The following SLC24A3 variants were observed in gnomAD, a reference collection of about 807,000 sequenced individuals.
The protein encoded by SLC24A3 is solute carrier family 24 member 3.
In SLC24A3, 28 loss-of-function variants were observed where a neutral mutation model predicts 75.8. The ratio of observed to expected loss-of-function variants is 0.37; its 90% CI spans 0.27 to 0.51. The LOEUF is 0.51. SLC24A3 is among the 20% of genes least tolerant of loss of function. SLC24A3 has a pLI of 0.94. For synonymous variants in SLC24A3, 372 were observed against 334.1 expected (o/e 1.11, Z -1.24); for missense variants, 663 against 847.8 (o/e 0.78, Z 2.71).
chr20:19,592,648 G>A (rs2031394098), intron 6 of SLC24A3, among the ~76,000 whole-genome samples: 1 of 152,092 alleles, frequency 6.6e-6, no homozygotes, highest in South Asian at 2.1e-4. Flanking sequence ...CTCCTTCCAT[G>A]TAGTTTTCAC....
chr20:19,307,712 G>A (rs6136678), intron 2 of SLC24A3, among the ~76,000 whole-genome samples: 23,510 of 152,108 alleles, frequency 0.15, 4,437 homozygotes, highest in African/African-American at 0.43. Flanking sequence ...TGGCACATGT[G>A]CACCTAGGTA....
At chr20:19,398,956 T>C (rs1986503579) in intron 2 of SLC24A3, among the ~76,000 whole-genome samples, 1 of 152,154 alleles carries the variant, frequency 6.6e-6, no homozygotes, top group Non-Finnish European at 1.5e-5. Flanking sequence ...TGCATTAACG[T>C]TTTTAGATAT....
chr20:19,541,278 G>T (rs570051219), intron 3 of SLC24A3, among the ~76,000 whole-genome samples: 1 of 152,190 alleles, frequency 6.6e-6, no homozygotes, highest in Non-Finnish European at 1.5e-5. Context: ...GCGGGGAGAC[G>T]TCTCTGGAAG....
At chr20:19,633,636 G>A (rs1484430795) in intron 6 of SLC24A3, among the ~76,000 whole-genome samples, 5 of 116,160 alleles carry the variant, frequency 4.3e-5, no homozygotes, top group Admixed American at 1.1e-4. Flanking sequence ...GCGACAGAGC[G>A]AGACTCCGTC....
At chr20:19,299,269 T>C (rs746411793) in intron 2 of SLC24A3, among the ~76,000 whole-genome samples, 3 of 151,898 alleles carry the variant, frequency 2.0e-5, no homozygotes, top group Non-Finnish European at 2.9e-5. Context: ...CCATTATTTT[T>C]CACTGCCTCA....
intron 2 of SLC24A3, among the ~76,000 whole-genome samples, chr20:19,414,983 T>C (rs1379464242): frequency 1.3e-5 from 2 of 152,242 alleles, no homozygotes; most frequent in Non-Finnish European, 2.9e-5. Flanking sequence ...ATTTTATATT[T>C]ATTTTTACAG....
intron 9 of SLC24A3, among the ~76,000 whole-genome samples, chr20:19,676,330 G>A (rs2032524264): frequency 1.3e-5 from 2 of 152,156 alleles, no homozygotes; most frequent in Admixed American, 1.3e-4. Flanking sequence ...GTGTGTTTCT[G>A]CTGATGCCTC....
At chr20:19,274,220 G>C (rs986807142) in intron 1 of SLC24A3, among the ~76,000 whole-genome samples, 10 of 150,872 alleles carry the variant, frequency 6.6e-5, no homozygotes, top group Non-Finnish European at 1.5e-4. Flanking sequence ...ACATTAGAGG[G>C]AGACCTTGAC....
At chr20:19,594,512 C>A (rs3827997) in intron 6 of SLC24A3, among the ~76,000 whole-genome samples, 58,071 of 152,168 alleles carry the variant, frequency 0.38, 11,301 homozygotes, top group Middle Eastern at 0.45. Context: ...TTATTATAGT[C>A]TTCTTTGGGC....
intron 8 of SLC24A3, among the ~76,000 whole-genome samples, chr20:19,667,462 AGTT>A: frequency 6.6e-6 from 1 of 152,332 alleles, no homozygotes; most frequent in African/African-American, 2.4e-5. Context: ...CTGATGGCGT[AGTT>A]AGCACAACCA....
intron 1 of SLC24A3, among the ~76,000 whole-genome samples, chr20:19,277,340 T>A (rs1340157016): frequency 1.3e-5 from 2 of 152,220 alleles, no homozygotes; most frequent in Non-Finnish European, 2.9e-5. Flanking sequence ...TCACAGACAT[T>A]CAGTGAATGG....
intron 2 of SLC24A3, among the ~76,000 whole-genome samples, chr20:19,441,674 CATT>C (rs1987301498): frequency 1.3e-5 from 2 of 152,030 alleles, no homozygotes; most frequent in Non-Finnish European, 2.9e-5. Flanking sequence ...AATAATGATG[CATT>C]ATTATTAACT....
chr20:19,678,442 G>C (rs1418758696), intron 9 of SLC24A3, among the ~76,000 whole-genome samples: 2 of 135,318 alleles, frequency 1.5e-5, no homozygotes, highest in South Asian at 2.2e-4. Flanking sequence ...CCTCCCGGAC[G>C]GGGCGGCTGG....
At chr20:19,291,265 G>T (rs1241804427) in intron 2 of SLC24A3, among the ~76,000 whole-genome samples, 2 of 152,180 alleles carry the variant, frequency 1.3e-5, no homozygotes, top group Non-Finnish European at 2.9e-5. Context: ...GGTAGGCCTG[G>T]TCTCTCTCCC....
chr20:19,334,747 A>C (rs1192715643), intron 2 of SLC24A3, among the ~76,000 whole-genome samples: 1 of 152,220 alleles, frequency 6.6e-6, no homozygotes, highest in African/African-American at 2.4e-5. Flanking sequence ...GACACGCCTC[A>C]GAGCTCTGTA....
At chr20:19,585,595 G>A (rs779319307) in intron 6 of SLC24A3, 51 bp downstream of exon 6, 2 of 1,544,994 alleles carry the variant, frequency 1.3e-6, no homozygotes, top group African/African-American at 2.7e-5. Flanking sequence ...TGGGGAAAGG[G>A]GAGGCATGGA....
intron 2 of SLC24A3, among the ~76,000 whole-genome samples, chr20:19,495,233 G>C (rs1264906386): frequency 2.0e-5 from 3 of 152,220 alleles, no homozygotes; most frequent in African/African-American, 7.2e-5. Context: ...GCCCCAGAAA[G>C]GGTTTCTGAG....
At chr20:19,677,675 CTTTTTTTTTTCTTTTTTTTTT>C (rs2032540991) in intron 9 of SLC24A3, among the ~76,000 whole-genome samples, 2 of 95,606 alleles carry the variant, frequency 2.1e-5, no homozygotes. Context: ...TTTTAGGATT[CTTTTTTTTTTCTTTTTTTTTT>C]TTTTTTTTTT....
intron 2 of SLC24A3, among the ~76,000 whole-genome samples, chr20:19,388,784 A>C (rs1017579725): frequency 1.3e-5 from 2 of 152,148 alleles, no homozygotes; most frequent in African/African-American, 4.8e-5. Context: ...AACTAAAGTG[A>C]ATCTTTTGTA....
Sources: gnomAD v4.1 joint callset for allele counts (sites outside exome capture counted in the v4.1 genomes callset) on GRCh38, gnomAD v4.1.1 for gene constraint, MANE v1.5 for transcripts, NCBI Gene and HGNC (gene_info 2026-07-23, HGNC 2026-07-21) for gene names.